CTCFL: variants seen among roughly 807,000 people sequenced by gnomAD.
CTCFL encodes CCCTC-binding factor like, also known as transcriptional repressor CTCFL.
CTCFL carries 36 observed loss-of-function variants against 67.4 expected under a neutral mutation model. The observed-to-expected ratio is 0.53, with a 90% CI of 0.41 to 0.71. The LOEUF (loss-of-function observed/expected upper bound fraction) is 0.71, where lower values mean the gene tolerates loss of function less well. CTCFL is among the 30% of genes least tolerant of loss of function. The pLI, the probability that CTCFL is intolerant of heterozygous loss-of-function variation, is 0.00. For missense variants in CTCFL, 786 were observed against 835.2 expected, an observed-to-expected ratio of 0.94 and a Z score of 0.73; for synonymous variants, 324 against 302.3, an observed-to-expected ratio of 1.07 and a Z score of -0.75.
chr20:57,524,878 C>T (rs2146488912), intron 1 of CTCFL, 150 bp downstream of exon 1: 2 of 504,774 alleles, frequency 4.0e-6, no homozygotes, highest in South Asian at 8.4e-5. Flanking sequence ...GCCCCCCACG[C>T]CCCGCCCCGA....
At chr20:57,514,209 A>G (rs985730825) in intron 7 of CTCFL, among the ~76,000 whole-genome samples, 2 of 152,152 alleles carry the variant, frequency 1.3e-5, no homozygotes, top group South Asian at 2.1e-4. Flanking sequence ...GCACTGATAA[A>G]TAGGAACCCA....
intron 9 of CTCFL, among the ~76,000 whole-genome samples, chr20:57,506,261 G>A (rs1040305958): frequency 6.6e-6 from 1 of 152,186 alleles, no homozygotes; most frequent in African/African-American, 2.4e-5. Flanking sequence ...CTGGCCACCT[G>A]TATGTCTTCT....
chr20:57,507,154 T>A (rs2068250232), intron 9 of CTCFL: 2 of 528,080 alleles, frequency 3.8e-6, no homozygotes, highest in African/African-American at 2.1e-5. Context: ...CGAGTGTGGG[T>A]GGGACTTCAT....
Position 57,523,803 on chromosome 20 carries a change from C to T in CTCFL, c.403G>A (p.Ala135Thr), listed in dbSNP as rs1445814246. The stretch of plus-strand genomic sequence containing the variant: ...TACAGCTCTTGCTGGATACTAATGG[C>T]CACACACTGCTGCAGGCTCTGCCGG... Reference protein sequence around the residue: ...GPRQSLQQCVAISIQQELYSP... With the variant: ...GPRQSLQQCVTISIQQELYSP... The change falls in exon 2 of 11, where the codon GCC becomes ACC. Residue 135 changes from alanine (A) to threonine (T), a missense_variant. Transcript: ENST00000243914. 5 of 1,613,066 alleles carry T rather than the reference C, an allele frequency of 3.1e-6. No homozygotes were observed. The highest frequency in any genetic ancestry group is 4.2e-6 in the Non-Finnish European group (5 of 1,180,046).
rs2068036125 is a variant in CTCFL, at chr20:57,503,688, A to T, written c.1675-87T>A. On this transcript the variant is annotated intron_variant, in intron 9 of 10. Coordinates refer to ENST00000243914, the MANE Select transcript of CTCFL (RefSeq NM_001386993.1). ...GGGCCTGTGGGGACCCCACGCATGGAAAGAAAGAAAAATCCTGAGTTCTTT... is the reference window on the plus strand; with the variant it reads ...GGGCCTGTGGGGACCCCACGCATGGTAAGAAAGAAAAATCCTGAGTTCTTT... 4 of 1,415,218 alleles carry T rather than the reference A, an allele frequency of 2.8e-6. No individual in the cohort carries two copies. In the South Asian group the frequency reaches 3.9e-5, roughly 14 times the overall value. 87.7% of individuals were successfully genotyped at this position (1,415,218 alleles called of 1,614,324 possible).
rs1025675871 is a variant in CTCFL at position 57,503,670 on chromosome 20, T to C, written c.1675-69A>G. The stretch of plus-strand genomic sequence containing the variant: ...GGCAGGGACCCCTCTCAGGGGCCTG[T>C]GGGGACCCCACGCATGGAAAGAAAG... On this transcript the variant is annotated intron_variant, in intron 9 of 10. Transcript: ENST00000243914. 29 of 1,523,632 alleles carry C rather than the reference T, an allele frequency of 1.9e-5. No homozygotes were observed. In the African/African-American group the frequency reaches 4.8e-4, roughly 25 times the overall value. The allele number at this position is 1,523,632 out of a possible 1,614,324, so 94.4% of individuals were successfully genotyped here.
downstream of CTCFL, chr20:57,497,106 C>G (rs1203772811): frequency 2.5e-6 from 1 of 393,678 alleles, no homozygotes; most frequent in Non-Finnish European, 3.5e-6. Context: ...TCCAATTTCT[C>G]CACATTCTCT....
chr20:57,508,653 G>C lies in CTCFL; in HGVS notation c.1627C>G (p.Pro543Ala), dbSNP rs1300568507. The C allele has an allele frequency of 6.2e-7, 1 of 1,614,132 alleles. No homozygotes were observed. The highest frequency in any genetic ancestry group is 2.2e-5 in the East Asian group (1 of 44,888). The change falls in exon 9 of 11, where the codon CCG becomes GCG. Residue 543 changes from proline (P) to alanine (A), a missense_variant. Pro to Ala is a conservative substitution (Grantham distance 27). Around this residue, in one of 3 missense-constraint regions of CTCFL, gnomAD observed 199 missense variants for 196.7 expected, o/e 1.01. Transcript: ENST00000243914. ...FRKYHDANFIPTVYKCSKCGK... is the reference protein window; with the variant it reads ...FRKYHDANFIATVYKCSKCGK... ...CACTTGGAGCATTTGTAAACAGTCG[G>C]GATGAAATTTGCATCGTGGTATTTC...
chr20:57,504,329 G>A (rs1045456069), intron 9 of CTCFL, among the ~76,000 whole-genome samples: 3 of 150,346 alleles, frequency 2.0e-5, no homozygotes, highest in African/African-American at 7.3e-5. Flanking sequence ...ACCCAGGCTG[G>A]AGTGCAGTGG....
chr20:57,503,633 C>T lies in CTCFL; in HGVS notation c.1675-32G>A, dbSNP rs145667855. The T allele has an allele frequency of 7.7e-5, 124 of 1,611,412 alleles. No individual in the cohort carries two copies. In the African/African-American group the frequency reaches 8.8e-4, roughly 11 times the overall value. ...GAGAATTGACACAGAACACACAAGG[C>T]GAGTGAGATGGGGCAGGGACCCCTC... is the stretch of plus-strand genomic sequence containing the variant. On this transcript the variant is annotated intron_variant, in intron 9 of 10. Coordinates refer to ENST00000243914, the MANE Select transcript of CTCFL (RefSeq NM_001386993.1).
At chr20:57,513,487 T>G (rs2068696797) in intron 7 of CTCFL, 2 of 997,074 alleles carry the variant, frequency 2.0e-6, no homozygotes, top group Non-Finnish European at 2.4e-6. Context: ...AGAATTAATG[T>G]GTTTATAAAG....
chr20:57,508,489 C>A (rs2068347185), intron 9 of CTCFL, 117 bp downstream of exon 9: 2 of 927,984 alleles, frequency 2.2e-6, no homozygotes, highest in East Asian at 5.0e-5. Flanking sequence ...ATGACAGATG[C>A]TCCTGAAGTC....
intron 5 of CTCFL, chr20:57,518,542 A>T: frequency 7.0e-7 from 1 of 1,420,824 alleles, no homozygotes; most frequent in South Asian, 1.5e-5. Context: ...AAACCTTTAC[A>T]TATTATTTTC....
chr20:57,523,090 T>C lies in CTCFL; in HGVS notation c.732A>G (p.Thr244=). The C allele has an allele frequency of 6.2e-7, 1 of 1,613,680 alleles. No individual in the cohort carries two copies. ...GQADAEKAKS[T]KNQRKTKGAK... The stretch of plus-strand genomic sequence containing the variant: ...TACCCTTTGTCTTTCTTTGATTTTT[T>C]GTAGATTTGGCCTTTTCAGCATCTG... Residue 244 remains threonine, a synonymous_variant, in exon 3 of 11, where the codon ACA becomes ACG. Transcript: ENST00000243914.
At chr20:57,524,340 T>C (rs1482098435) in intron 1 of CTCFL, 124 bp from the exon 2 acceptor site, 5 of 1,494,124 alleles carry the variant, frequency 3.3e-6, no homozygotes, top group East Asian at 2.3e-5. Context: ...TCAAAAGGTT[T>C]TGGACTTAGT....
At chr20:57,496,332 A>G, downstream of CTCFL, 1 of 684,136 alleles carries the variant, frequency 1.5e-6, no homozygotes, top group Non-Finnish European at 2.7e-6. Flanking sequence ...CCAGGCAGAT[A>G]CCAACATCAT....
chr20:57,496,524 T>C (rs1173674797), downstream of CTCFL, among the ~76,000 whole-genome samples: 1 of 152,246 alleles, frequency 6.6e-6, no homozygotes, highest in East Asian at 1.9e-4. Flanking sequence ...CACTGTTGTG[T>C]GGCCATCACC....
At chr20:57,504,142 G>A (rs573507735) in intron 9 of CTCFL, among the ~76,000 whole-genome samples, 8 of 151,650 alleles carry the variant, frequency 5.3e-5, no homozygotes, top group South Asian at 2.1e-4. Flanking sequence ...ACGCCCGGCT[G>A]ATTTTTTATA....
intron 3 of CTCFL, among the ~76,000 whole-genome samples, chr20:57,522,055 T>C (rs2069409223): frequency 6.6e-6 from 1 of 152,120 alleles, no homozygotes; most frequent in African/African-American, 2.4e-5. Flanking sequence ...GAGCTAGAAA[T>C]TGTAAAACTT....
Sources: gnomAD v4.1 joint callset for allele counts (sites outside exome capture counted in the v4.1 genomes callset) on GRCh38, gnomAD v4.1.1 for gene constraint, gnomAD v4.1.1 regional missense constraint, MANE v1.5 for transcripts, NCBI Gene and HGNC (gene_info 2026-07-23, HGNC 2026-07-21) for gene names.